AGBL1: variants seen among roughly 807,000 people sequenced by gnomAD.
AGBL1 encodes cytosolic carboxypeptidase 4.
In AGBL1, 130 loss-of-function variants were observed where a neutral mutation model predicts 118.9. That is an observed-to-expected ratio of 1.09 (90% confidence interval 0.95 to 1.26). The LOEUF is 1.26. Among genes scored for constraint, AGBL1 ranks in the 50% most tolerant of loss-of-function variants. The pLI is 0.00. For missense variants in AGBL1, 1,584 were observed against 1,298.1 expected (o/e 1.22, Z -3.38); for synonymous variants, 555 against 478.9 (o/e 1.16, Z -2.08).
At chr15:86,692,313 A>G (rs982846231) in intron 22 of AGBL1, among the ~76,000 whole-genome samples, 2 of 152,140 alleles carry the variant, frequency 1.3e-5, no homozygotes, top group Admixed American at 1.3e-4. Flanking sequence ...AACTTCAATG[A>G]AGGAACTCTT....
intron 18 of AGBL1, among the ~76,000 whole-genome samples, chr15:86,404,538 A>G (rs530725651): frequency 6.6e-6 from 1 of 152,350 alleles, no homozygotes; most frequent in South Asian, 2.1e-4. Context: ...AATGACATGC[A>G]GCAGTGGCTC....
At chr15:86,530,715 T>C (rs28848028) in intron 19 of AGBL1, among the ~76,000 whole-genome samples, 98,469 of 146,110 alleles carry the variant, frequency 0.67, 35,297 homozygotes, top group African/African-American at 0.92. Flanking sequence ...GGAAGTAAAG[T>C]TCTCCTCAGC....
rs1438296407 is a variant in AGBL1, at chr15:86,196,258, G to A, written c.489-28656G>A. Among the ~76,000 whole-genome samples the A allele has an allele frequency of 2.0e-5, 3 of 152,052 alleles. No individual in the cohort carries two copies. The East Asian group carries it at 5.8e-4, about 29-fold the overall frequency. On this transcript the variant is annotated intron_variant, in intron 5 of 22. Coordinates refer to ENST00000614907, the MANE Select transcript of AGBL1 (RefSeq NM_001386094.1). Reference sequence around the variant, plus strand: ...CAGATGTAGGATGGACGTCAGGGTTGGTTGATTCAGTGGCTCAGTGATGGC... The same window carrying A: ...CAGATGTAGGATGGACGTCAGGGTTAGTTGATTCAGTGGCTCAGTGATGGC...
rs557620249 is a variant in AGBL1 at position 86,151,792 on chromosome 15, A to C, written c.263-2638A>C. ...TTAGAAAACCCTATCATCTCAGCCC[A>C]AAATCTCCTTAAGCTGATAAGCAAC... On this transcript the variant is annotated intron_variant, in intron 3 of 22. Coordinates refer to ENST00000614907, the MANE Select transcript of AGBL1 (RefSeq NM_001386094.1). 4.4e-4 allele frequency among the ~76,000 whole-genome samples: 67 copies of C among 152,348 alleles called. 1 individual carries two copies. The East Asian group carries it at 0.011, about 25-fold the overall frequency.
At chr15:86,881,956 C>G (rs138913291) in intron 22 of AGBL1, among the ~76,000 whole-genome samples, 104 of 152,264 alleles carry the variant, frequency 6.8e-4, no homozygotes, top group Middle Eastern at 3.4e-3. Flanking sequence ...CAATCGCCTC[C>G]CACCAGCGCC....
intron 1 of AGBL1, among the ~76,000 whole-genome samples, chr15:86,133,555 A>T (rs1334703132): frequency 6.6e-6 from 1 of 152,252 alleles, no homozygotes. Context: ...ATGTATTCGT[A>T]GCACCTAGCG....
chr15:86,973,060 T>C (rs1596692434), intron 23 of AGBL1, among the ~76,000 whole-genome samples: 1 of 152,194 alleles, frequency 6.6e-6, no homozygotes, highest in East Asian at 1.9e-4. Context: ...TCAAAACCTC[T>C]TTAAGCCTCA....
intron 24 of AGBL1, among the ~76,000 whole-genome samples, chr15:86,995,946 C>T (rs2081376328): frequency 6.6e-6 from 1 of 152,098 alleles, no homozygotes; most frequent in Non-Finnish European, 1.5e-5. Context: ...TTATTCGAAA[C>T]ACTAATGGAA....
intron 22 of AGBL1, among the ~76,000 whole-genome samples, chr15:86,835,372 T>G (rs1317028773): frequency 6.6e-6 from 1 of 152,118 alleles, no homozygotes; most frequent in East Asian, 1.9e-4. Context: ...AGTAATGGTT[T>G]GAATGGGGTG....
chr15:86,172,596 G>A (rs897821898), intron 5 of AGBL1, among the ~76,000 whole-genome samples: 2 of 152,154 alleles, frequency 1.3e-5, no homozygotes, highest in African/African-American at 4.8e-5. Context: ...AGAAAAATGT[G>A]AGTGGTAGTT....
At chr15:86,258,949 C>T (rs750179278) in intron 9 of AGBL1, among the ~76,000 whole-genome samples, 1 of 152,212 alleles carries the variant, frequency 6.6e-6, no homozygotes, top group African/African-American at 2.4e-5. Flanking sequence ...TTGTGGTCTG[C>T]CCGCCTCAGC....
At chr15:86,664,869 T>C (rs2085614972) in intron 21 of AGBL1, among the ~76,000 whole-genome samples, 1 of 152,058 alleles carries the variant, frequency 6.6e-6, no homozygotes, top group Admixed American at 6.6e-5. Flanking sequence ...ATATCTTAAT[T>C]CAGATACACT....
At chr15:86,138,666 C>T (rs562091221) in intron 1 of AGBL1, among the ~76,000 whole-genome samples, 1 of 152,146 alleles carries the variant, frequency 6.6e-6, no homozygotes, top group South Asian at 2.1e-4. Context: ...TATTAGTTTT[C>T]TTCTTTCCCT....
intron 18 of AGBL1, among the ~76,000 whole-genome samples, chr15:86,445,366 T>G (rs1361726769): frequency 6.6e-6 from 1 of 152,226 alleles, no homozygotes; most frequent in Non-Finnish European, 1.5e-5. Flanking sequence ...AGGAAATACC[T>G]CAAAACCCTT....
At chr15:86,179,893 T>C (rs1256996766) in intron 5 of AGBL1, among the ~76,000 whole-genome samples, 1 of 152,132 alleles carries the variant, frequency 6.6e-6, no homozygotes, top group Non-Finnish European at 1.5e-5. Context: ...TATTTCTACA[T>C]AGTGCAACAA....
chr15:86,553,939 C>A (rs1286926414), intron 20 of AGBL1, among the ~76,000 whole-genome samples: 1 of 152,108 alleles, frequency 6.6e-6, no homozygotes, highest in African/African-American at 2.4e-5. Context: ...CAGCACACTG[C>A]AACCTCCATC....
Position 86,711,360 on chromosome 15 carries a change from C to T in AGBL1, c.3158+36924C>T, listed in dbSNP as rs376407018. Among the ~76,000 whole-genome samples, 6 of 152,300 alleles carry T rather than the reference C, an allele frequency of 3.9e-5. No individual in the cohort carries two copies. The East Asian group carries it at 9.7e-4, about 25-fold the overall frequency. On this transcript the variant is annotated intron_variant, in intron 22 of 22. Coordinates refer to ENST00000614907, the MANE Select transcript of AGBL1 (RefSeq NM_001386094.1). ...GAGTTCTGCAGTACTTTGAACCTCT[C>T]TGTGGCAAGATATGGCAAGAAGCCT... is the stretch of plus-strand genomic sequence containing the variant.
At chr15:86,734,858 C>G (rs373753921) in intron 22 of AGBL1, among the ~76,000 whole-genome samples, 2 of 152,152 alleles carry the variant, frequency 1.3e-5, no homozygotes, top group African/African-American at 4.8e-5. Context: ...CCACTGTTCC[C>G]TGAGTGAGCT....
At chr15:86,137,730 G>A (rs1347869748) in intron 1 of AGBL1, among the ~76,000 whole-genome samples, 2 of 152,116 alleles carry the variant, frequency 1.3e-5, no homozygotes, top group African/African-American at 4.8e-5. Context: ...GCTTAGAGGA[G>A]ATGAACCATG....
Sources: gnomAD v4.1 joint callset for allele counts (sites outside exome capture counted in the v4.1 genomes callset) on GRCh38, gnomAD v4.1.1 for gene constraint, MANE v1.5 for transcripts, NCBI Gene and HGNC (gene_info 2026-07-23, HGNC 2026-07-21) for gene names.